The following IGSF11 variants were observed in gnomAD, a reference collection of about 807,000 sequenced individuals.
The protein encoded by IGSF11 is CXADR like 1.
IGSF11 carries 22 observed loss-of-function variants against 41.0 expected under a neutral mutation model. The observed-to-expected ratio is 0.54, with a 90% CI of 0.38 to 0.77. The LOEUF is 0.77. Ranked by LOEUF, IGSF11 falls within the 30% of genes least tolerant of loss-of-function variation. IGSF11 has a pLI of 0.00. For synonymous variants in IGSF11, 219 were observed against 201.3 expected, an observed-to-expected ratio of 1.09 and a Z score of -0.74; for missense variants, 444 against 530.8, an observed-to-expected ratio of 0.84 and a Z score of 1.61.
At chr3:119,080,413 G>T (rs2076568796) in intron 1 of IGSF11, among the ~76,000 whole-genome samples, 1 of 152,022 alleles carries the variant, frequency 6.6e-6, no homozygotes, top group Non-Finnish European at 1.5e-5. Flanking sequence ...CCACAGCTTT[G>T]TACCAATCAA....
At chr3:119,116,109 G>C (rs1269475994) in intron 1 of IGSF11, among the ~76,000 whole-genome samples, 1 of 152,196 alleles carries the variant, frequency 6.6e-6, no homozygotes, top group East Asian at 1.9e-4. Context: ...ATTTCTGGGT[G>C]TGTCTGGAAG....
At chr3:118,965,560 T>C (rs1945614719) in intron 1 of IGSF11, among the ~76,000 whole-genome samples, 1 of 152,074 alleles carries the variant, frequency 6.6e-6, no homozygotes, top group Non-Finnish European at 1.5e-5. Flanking sequence ...TTAAAATTCT[T>C]GAGGAAAACT....
chr3:119,073,569 G>A lies in IGSF11; in HGVS notation c.49+31575C>T, dbSNP rs79641870. 3.7e-3 allele frequency among the ~76,000 whole-genome samples: 564 copies of A among 152,302 alleles called. 2 individuals carry two copies. The highest frequency in any genetic ancestry group is 0.01 in the Middle Eastern group (3 of 294). ...CCCTGCGGGAAGGCAGCTGAGGCCC[G>A]GTGAAAATTCTAGTGCAGTGCCGGT... On this transcript the variant is annotated intron_variant, in intron 1 of 6. Transcript: ENST00000354673.
At chr3:119,023,778 G>A (rs1457145275) in intron 1 of IGSF11, among the ~76,000 whole-genome samples, 1 of 152,180 alleles carries the variant, frequency 6.6e-6, no homozygotes, top group East Asian at 1.9e-4. Flanking sequence ...CTAACATGCC[G>A]ACCCCCACTA....
intron 1 of IGSF11, among the ~76,000 whole-genome samples, chr3:119,029,308 G>A (rs1229840716): frequency 1.3e-5 from 2 of 151,520 alleles, no homozygotes; most frequent in Admixed American, 6.6e-5. Context: ...GAGAGAGAGC[G>A]GGCAAGCACA....
At position 119,003,178 on chromosome 3, in the gene IGSF11, A is replaced by C. The variant is rs1297002338; in HGVS notation, c.52+31353T>G. Among the ~76,000 whole-genome samples the C allele has an allele frequency of 4.1e-5, 6 of 146,158 alleles. No homozygotes were observed. In the East Asian group the frequency reaches 1.2e-3, roughly 29 times the overall value. On this transcript the variant is annotated intron_variant, in intron 1 of 6. Coordinates refer to ENST00000393775, the MANE Select transcript of IGSF11 (RefSeq NM_001015887.3). Reference sequence around the variant, plus strand: ...CAGTGGTTTGTAGTTCTCCTCAAAGAGGTCCTTCACATCCCTTGTAAGTTG... The same window carrying C: ...CAGTGGTTTGTAGTTCTCCTCAAAGCGGTCCTTCACATCCCTTGTAAGTTG...
At chr3:119,070,670 T>C (rs768719473) in intron 1 of IGSF11, among the ~76,000 whole-genome samples, 4 of 152,164 alleles carry the variant, frequency 2.6e-5, no homozygotes, top group Non-Finnish European at 2.9e-5. Flanking sequence ...GTTTGGGTTT[T>C]GGGGTTTTGA....
chr3:118,989,211 T>C (rs148186804), intron 1 of IGSF11, among the ~76,000 whole-genome samples: 1 of 152,324 alleles, frequency 6.6e-6, no homozygotes, highest in African/African-American at 2.4e-5. Context: ...CAAAGGACTG[T>C]AAAATTGTTT....
intron 1 of IGSF11, among the ~76,000 whole-genome samples, chr3:119,137,053 A>C (rs66471907): frequency 0.1 from 15,923 of 152,148 alleles, 1,053 homozygotes; most frequent in East Asian, 0.23. Flanking sequence ...GCTATAAGAC[A>C]CTGATGAAAG....
At chr3:119,036,277 T>C (rs1434388870), upstream of IGSF11, among the ~76,000 whole-genome samples, 3 of 152,202 alleles carry the variant, frequency 2.0e-5, no homozygotes, top group Non-Finnish European at 4.4e-5. Context: ...GTTTTTCATA[T>C]TAATAACAAA....
At chr3:119,018,593 T>C (rs1426639966) in intron 1 of IGSF11, among the ~76,000 whole-genome samples, 2 of 152,242 alleles carry the variant, frequency 1.3e-5, no homozygotes, top group African/African-American at 4.8e-5. Context: ...CTATAGGTAC[T>C]GGAATTCATT....
At chr3:118,984,742 T>A (rs567895047) in intron 1 of IGSF11, among the ~76,000 whole-genome samples, 1 of 152,282 alleles carries the variant, frequency 6.6e-6, no homozygotes, top group Admixed American at 6.5e-5. Context: ...GAATATGATT[T>A]CCTAAGATCT....
Position 119,059,090 on chromosome 3 carries a change from G to A in IGSF11, c.49+46054C>T, listed in dbSNP as rs1006761955. On this transcript the variant is annotated intron_variant, in intron 1 of 6. Coordinates refer to the IGSF11 transcript ENST00000354673. ...GTATACATATGTAACAAACCTGCAC[G>A]TTGTGCACATGTACCCTAAAACTTA... is the stretch of plus-strand genomic sequence containing the variant. Among the ~76,000 whole-genome samples, 39 of 151,656 alleles carry A rather than the reference G, an allele frequency of 2.6e-4. 1 individual carries two copies. The highest frequency in any genetic ancestry group is 6.3e-4 in the African/African-American group (26 of 41,162).
chr3:119,107,903 T>G (rs1339432504), upstream of IGSF11, among the ~76,000 whole-genome samples: 2 of 147,288 alleles, frequency 1.4e-5, no homozygotes, highest in Admixed American at 6.7e-5. Context: ...GTTGTAGATA[T>G]GCGGCGTTAT....
chr3:118,910,492 G>C (rs1054877795), intron 4 of IGSF11, among the ~76,000 whole-genome samples: 1 of 152,118 alleles, frequency 6.6e-6, no homozygotes, highest in African/African-American at 2.4e-5. Context: ...TCAGGTCCTT[G>C]TCATTTCTTG....
At chr3:118,917,446 A>T (rs928503679) in intron 4 of IGSF11, among the ~76,000 whole-genome samples, 1 of 147,416 alleles carries the variant, frequency 6.8e-6, no homozygotes, top group Non-Finnish European at 1.5e-5. Flanking sequence ...TCCCACAGAA[A>T]TACAAACTAC....
intron 1 of IGSF11, among the ~76,000 whole-genome samples, chr3:119,052,206 G>T (rs1308026134): frequency 6.6e-6 from 1 of 152,094 alleles, no homozygotes; most frequent in Non-Finnish European, 1.5e-5. Flanking sequence ...TTGGCTGGGT[G>T]CGGTGGCTCA....
At chr3:119,097,602 C>T (rs907066346) in intron 1 of IGSF11, among the ~76,000 whole-genome samples, 2 of 152,092 alleles carry the variant, frequency 1.3e-5, no homozygotes, top group African/African-American at 4.8e-5. Context: ...AACAAATCCT[C>T]CAGTTTGGCC....
At chr3:118,967,676 C>A (rs1424135300) in intron 1 of IGSF11, among the ~76,000 whole-genome samples, 1 of 152,162 alleles carries the variant, frequency 6.6e-6, no homozygotes, top group Admixed American at 6.6e-5. Flanking sequence ...TCATAAAGGA[C>A]CACCCTTTCC....
Sources: gnomAD v4.1 joint callset for allele counts (sites outside exome capture counted in the v4.1 genomes callset) on GRCh38, gnomAD v4.1.1 for gene constraint, MANE v1.5 for transcripts, NCBI Gene and HGNC (gene_info 2026-07-23, HGNC 2026-07-21) for gene names.